The following MAP7 variants were observed in gnomAD, a reference collection of about 807,000 sequenced individuals.
The protein encoded by MAP7 is microtubule associated protein 7.
Under a neutral mutation model 94.8 loss-of-function variants are expected in MAP7, and 52 were observed. That is an observed-to-expected ratio of 0.55 (90% CI 0.44 to 0.69). The LOEUF (loss-of-function observed/expected upper bound fraction) is 0.69, where lower values mean the gene tolerates loss of function less well. Among genes scored for constraint, MAP7 ranks in the 30% least tolerant of loss-of-function variants. MAP7 has a pLI of 0.00. For synonymous variants in MAP7, 350 were observed against 357.0 expected (o/e 0.98, Z 0.22); for missense variants, 940 against 964.6 (o/e 0.97, Z 0.34).
Position 136,516,629 on chromosome 6 carries a change from G to A in MAP7, c.67+33713C>T, listed in dbSNP as rs17796180. Among the ~76,000 whole-genome samples, 1,897 of 152,248 alleles carry A rather than the reference G, an allele frequency of 0.012. 85 individuals carry two copies. In the East Asian group the frequency reaches 0.14, roughly 11 times the overall value. ...GGCATATATATGTTCAATTATAGCC[G>A]CAAATAACATTTAATTTGGTGCTTT... On this transcript the variant is annotated intron_variant, in intron 1 of 17. Coordinates refer to ENST00000354570, the MANE Select transcript of MAP7 (RefSeq NM_003980.6).
intron 1 of MAP7, among the ~76,000 whole-genome samples, chr6:136,523,770 G>A (rs150971433): frequency 3.8e-4 from 58 of 152,100 alleles, no homozygotes; most frequent in African/African-American, 1.4e-3. Context: ...AAATGGTAGG[G>A]GGTCAGAAAC....
At chr6:136,499,212 G>A (rs1346018072) in intron 1 of MAP7, among the ~76,000 whole-genome samples, 1 of 152,090 alleles carries the variant, frequency 6.6e-6, no homozygotes, top group East Asian at 1.9e-4. Context: ...AAGCCATCCT[G>A]TCCGGCCTGA....
intron 2 of MAP7, among the ~76,000 whole-genome samples, chr6:136,414,917 C>T (rs897834355): frequency 5.3e-5 from 8 of 151,318 alleles, no homozygotes; most frequent in African/African-American, 9.7e-5. Context: ...TGGGTTTAAG[C>T]GATTCTCCTG....
chr6:136,502,825 A>C, intron 1 of MAP7, among the ~76,000 whole-genome samples: 1 of 150,648 alleles, frequency 6.6e-6, no homozygotes, highest in South Asian at 2.1e-4. Flanking sequence ...CAGAATACTG[A>C]TTTTTTTTTT....
At chr6:136,345,557 A>G (rs1787437298) in intron 17 of MAP7, among the ~76,000 whole-genome samples, 1 of 152,194 alleles carries the variant, frequency 6.6e-6, no homozygotes, top group Admixed American at 6.5e-5. Flanking sequence ...GCATATTCTG[A>G]GCATGCATGA....
At chr6:136,376,121 C>T (rs559481190) in intron 7 of MAP7, among the ~76,000 whole-genome samples, 27 of 151,296 alleles carry the variant, frequency 1.8e-4, no homozygotes, top group East Asian at 3.9e-4. Flanking sequence ...TTTTTTGAGA[C>T]GGAGTCTCGC....
chr6:136,359,246 G>A (rs1791843032), intron 15 of MAP7, among the ~76,000 whole-genome samples: 1 of 151,962 alleles, frequency 6.6e-6, no homozygotes, highest in African/African-American at 2.4e-5. Context: ...TATATGTATG[G>A]AAATATCACT....
At chr6:136,477,368 G>A (rs1469390971) in intron 1 of MAP7, among the ~76,000 whole-genome samples, 1 of 152,140 alleles carries the variant, frequency 6.6e-6, no homozygotes, top group Non-Finnish European at 1.5e-5. Context: ...AAGACAGAGA[G>A]GAAGTGATAA....
intron 3 of MAP7, among the ~76,000 whole-genome samples, chr6:136,402,805 C>A (rs2128714441): frequency 6.8e-6 from 1 of 147,476 alleles, no homozygotes; most frequent in East Asian, 2.1e-4. Context: ...ACTCGGGAGG[C>A]TGAGGCAGGA....
At chr6:136,384,717 C>A (rs140027713) in intron 5 of MAP7, among the ~76,000 whole-genome samples, 2 of 152,054 alleles carry the variant, frequency 1.3e-5, no homozygotes, top group African/African-American at 4.8e-5. Context: ...AATTCCTGGC[C>A]TCAAGTGATA....
intron 3 of MAP7, among the ~76,000 whole-genome samples, chr6:136,406,728 C>T (rs1368469904): frequency 1.3e-5 from 2 of 151,900 alleles, no homozygotes; most frequent in African/African-American, 2.4e-5. Flanking sequence ...GGCTGAGGCA[C>T]GAGAATTGCT....
intron 1 of MAP7, among the ~76,000 whole-genome samples, chr6:136,460,093 G>A (rs1040761721): frequency 6.6e-6 from 1 of 152,042 alleles, no homozygotes; most frequent in Non-Finnish European, 1.5e-5. Flanking sequence ...TGTAAGATGT[G>A]GAACAAGTCT....
chr6:136,453,085 C>T (rs935074994), intron 1 of MAP7, among the ~76,000 whole-genome samples: 5 of 152,124 alleles, frequency 3.3e-5, no homozygotes, highest in African/African-American at 9.7e-5. Context: ...CTCATGAATA[C>T]GTGAAGTATA....
At chr6:136,417,856 C>T (rs1437108671) in intron 2 of MAP7, among the ~76,000 whole-genome samples, 1 of 152,136 alleles carries the variant, frequency 6.6e-6, no homozygotes, top group African/African-American at 2.4e-5. Context: ...AACAGTAAGG[C>T]AGAATAAAGT....
At chr6:136,458,013 A>C (rs1181530020) in intron 1 of MAP7, among the ~76,000 whole-genome samples, 1 of 152,176 alleles carries the variant, frequency 6.6e-6, no homozygotes, top group Non-Finnish European at 1.5e-5. Flanking sequence ...AGATGACATG[A>C]TCTTATTTGT....
intron 11 of MAP7, 44 bp from the exon 12 acceptor site, chr6:136,361,223 A>G (rs770233572): frequency 3.1e-6 from 5 of 1,596,544 alleles, no homozygotes; most frequent in Non-Finnish European, 4.2e-6. Context: ...ACACCTGAGG[A>G]GAAATCTTTG....
At chr6:136,351,588 C>G (rs1789223447) in intron 16 of MAP7, among the ~76,000 whole-genome samples, 1 of 152,168 alleles carries the variant, frequency 6.6e-6, no homozygotes, top group South Asian at 2.1e-4. Context: ...AGGGATCCAG[C>G]CTGGAACTTT....
intron 15 of MAP7, among the ~76,000 whole-genome samples, 176 bp downstream of exon 15, chr6:136,359,644 C>A (rs898069717): frequency 3.9e-5 from 6 of 152,078 alleles, no homozygotes; most frequent in Non-Finnish European, 7.4e-5. Flanking sequence ...CTGGTAGAAA[C>A]ACTAGACAGT....
At chr6:136,544,314 G>A (rs1829558393) in intron 1 of MAP7, among the ~76,000 whole-genome samples, 1 of 152,150 alleles carries the variant, frequency 6.6e-6, no homozygotes, top group South Asian at 2.1e-4. Flanking sequence ...TTATGGGAGG[G>A]TCTATTAAAT....
Sources: gnomAD v4.1 joint callset for allele counts (sites outside exome capture counted in the v4.1 genomes callset) on GRCh38, gnomAD v4.1.1 for gene constraint, MANE v1.5 for transcripts, NCBI Gene and HGNC (gene_info 2026-07-23, HGNC 2026-07-21) for gene names.